Variants in RTTN observed in about 807,000 individuals in gnomAD.
RTTN encodes the protein rotatin.
Under a neutral mutation model 269.2 loss-of-function variants are expected in RTTN, and 182 were observed. The observed-to-expected ratio is 0.68, with a 90% CI of 0.60 to 0.76. The LOEUF is 0.76. RTTN is among the 30% of genes least tolerant of loss of function. RTTN has a pLI of 0.00. For synonymous variants in RTTN, 1,006 were observed against 963.5 expected (o/e 1.04, Z -0.82); for missense variants, 2,545 against 2,608.6 (o/e 0.98, Z 0.53).
intron 4 of RTTN, among the ~76,000 whole-genome samples, chr18:70,200,856 A>G (rs1211242697): frequency 6.6e-6 from 1 of 152,240 alleles, no homozygotes; most frequent in Admixed American, 6.5e-5. Flanking sequence ...AATAATACCA[A>G]TCTCAAAGAC....
At chr18:70,137,684 T>C (rs949053940) in intron 21 of RTTN, among the ~76,000 whole-genome samples, 1 of 152,106 alleles carries the variant, frequency 6.6e-6, no homozygotes, top group Non-Finnish European at 1.5e-5. Context: ...CTATTTGAAC[T>C]CCTACTCATT....
chr18:70,041,640 C>T (rs34186601), intron 40 of RTTN, among the ~76,000 whole-genome samples: 1 of 152,192 alleles, frequency 6.6e-6, no homozygotes, highest in Non-Finnish European at 1.5e-5. Context: ...TTCTATGTAA[C>T]TAAGCCACTC....
intron 32 of RTTN, among the ~76,000 whole-genome samples, chr18:70,076,716 C>T (rs2058437994): frequency 6.6e-6 from 1 of 151,944 alleles, no homozygotes; most frequent in South Asian, 2.1e-4. Context: ...CTGTAATGAA[C>T]AGCCAGCACA....
In RTTN at chr18:70,184,716, T is replaced by TTGTGTGTGTG. The variant is rs1555776912; in HGVS notation, c.1305+3382_1305+3391dup. On this transcript the variant is annotated intron_variant, in intron 10 of 48. Coordinates refer to ENST00000640769, the MANE Select transcript of RTTN (RefSeq NM_173630.4). ...AAACCACAGCAGGTTTTTTTTTTTT[T>TTGTGTGTGTG]TGTGTGTGTGTGTGTGTGTGTGTGT... Among the ~76,000 whole-genome samples, 215 of 33,308 alleles carry TTGTGTGTGTG rather than the reference T, an allele frequency of 6.5e-3. 7 individuals are homozygous for TTGTGTGTGTG. Among genetic ancestry groups the TTGTGTGTGTG allele is most frequent in the African/African-American group, 0.012 (180 of 15,624 alleles). 21.9% of individuals were successfully genotyped at this position (33,308 alleles called of 152,430 possible).
Position 70,082,816 on chromosome 18 carries a change from G to C in RTTN, c.4374+3797C>G, listed in dbSNP as rs374936473. On this transcript the variant is annotated intron_variant, in intron 32 of 48. Transcript: ENST00000640769. ...AGCAATCCTCCTGCCTCAGTCTCCT[G>C]AGTAGCTAGGGACTACAGGTGCATG... Among the ~76,000 whole-genome samples the C allele has an allele frequency of 2.6e-5, 4 of 151,926 alleles. No homozygotes were observed. In the East Asian group the frequency reaches 7.8e-4, roughly 29 times the overall value.
At chr18:70,074,740 T>G (rs1333724647) in intron 33 of RTTN, 1 of 151,552 alleles carries the variant, frequency 6.6e-6, no homozygotes, top group Non-Finnish European at 1.5e-5. Context: ...TAAATTACTA[T>G]TTATTACAAG....
At position 70,127,497 on chromosome 18, in the gene RTTN, C is replaced by T. The variant is rs2059894718; in HGVS notation, c.3383+5G>A. On this transcript the variant is annotated splice_donor_5th_base_variant and intron_variant, in intron 25 of 48. Coordinates refer to ENST00000640769, the MANE Select transcript of RTTN (RefSeq NM_173630.4). The stretch of plus-strand genomic sequence containing the variant: ...TGAAACTGGCAGCCTTGACCTTACA[C>T]TGACCTGTTTAGTGCGGTGTGCCAA... 3 of 1,612,876 alleles carry T rather than the reference C, an allele frequency of 1.9e-6. No individual in the cohort carries two copies. Among genetic ancestry groups the T allele is most frequent in the South Asian group, 2.2e-5 (2 of 91,016 alleles).
chr18:70,029,745 A>G (rs1297486943), intron 42 of RTTN, among the ~76,000 whole-genome samples: 2 of 152,200 alleles, frequency 1.3e-5, no homozygotes, highest in East Asian at 3.8e-4. Flanking sequence ...TAAAAAATTT[A>G]TCTGGCATAG....
At chr18:70,024,153 C>A (rs1047827551) in intron 44 of RTTN, among the ~76,000 whole-genome samples, 3 of 152,178 alleles carry the variant, frequency 2.0e-5, no homozygotes, top group African/African-American at 7.2e-5. Flanking sequence ...TCCTGTTACA[C>A]TCACATAAAA....
At chr18:70,010,788 T>A (rs149578692) in intron 46 of RTTN, among the ~76,000 whole-genome samples, 5 of 152,066 alleles carry the variant, frequency 3.3e-5, no homozygotes, top group African/African-American at 1.2e-4. Flanking sequence ...AAAAAATCAA[T>A]GAATCCCGGA....
chr18:70,184,999 A>G (rs1444353965), intron 10 of RTTN, among the ~76,000 whole-genome samples: 2 of 152,062 alleles, frequency 1.3e-5, no homozygotes, highest in African/African-American at 2.4e-5. Context: ...TATAAGCTAC[A>G]ATAATTAAGT....
At chr18:70,092,878 T>G (rs1258243582) in intron 28 of RTTN, 74 bp from the exon 29 acceptor site, 7 of 1,304,510 alleles carry the variant, frequency 5.4e-6, no homozygotes, top group Non-Finnish European at 7.3e-6. Flanking sequence ...TATAACTGTC[T>G]ACTGACTTGT....
intron 27 of RTTN, 150 bp from the exon 28 acceptor site, chr18:70,109,867 A>G (rs1178854655): frequency 1.9e-5 from 12 of 630,192 alleles, no homozygotes; most frequent in Non-Finnish European, 2.8e-5. Flanking sequence ...TATCAAAATG[A>G]GACTTTTCAA....
chr18:70,136,536 A>G (rs964764640), intron 21 of RTTN, among the ~76,000 whole-genome samples: 2 of 152,024 alleles, frequency 1.3e-5, no homozygotes, highest in African/African-American at 4.8e-5. Flanking sequence ...AAAAGAAAGT[A>G]AATACAACAG....
chr18:70,084,878 A>G (rs2058662663), intron 32 of RTTN, among the ~76,000 whole-genome samples: 1 of 152,232 alleles, frequency 6.6e-6, no homozygotes, highest in South Asian at 2.1e-4. Context: ...GGAGAATAAC[A>G]AAACCAATAA....
chr18:70,066,041 G>C, intron 34 of RTTN, 119 bp from the exon 35 acceptor site: 5 of 522,896 alleles, frequency 9.6e-6, no homozygotes, highest in Non-Finnish European at 1.3e-5. Context: ...TACTAGTTAG[G>C]ATAACTAGAA....
Position 70,024,861 on chromosome 18 carries a change from G to A in RTTN, c.5824-13C>T. 2 of 1,609,192 alleles carry A rather than the reference G, an allele frequency of 1.2e-6. No individual in the cohort carries two copies. The highest frequency in any genetic ancestry group is 1.7e-6 in the Non-Finnish European group (2 of 1,178,436). On this transcript the variant is annotated splice_polypyrimidine_tract_variant and intron_variant, in intron 43 of 48. Transcript: ENST00000640769. ...CAAGAGCTGCTTCCTGTTGAAGGAA[G>A]GGAAAAAGACAGCATTAGTCTGAAT...
chr18:70,038,206 A>C (rs1270840405), intron 40 of RTTN, among the ~76,000 whole-genome samples: 2 of 152,170 alleles, frequency 1.3e-5, no homozygotes, highest in Admixed American at 1.3e-4. Flanking sequence ...GAAGGGAAGG[A>C]CAGAAACCTG....
intron 46 of RTTN, among the ~76,000 whole-genome samples, chr18:70,016,784 A>AT (rs1343420477): frequency 6.6e-6 from 1 of 151,824 alleles, no homozygotes; most frequent in Non-Finnish European, 1.5e-5. Context: ...CAATCATCAA[A>AT]TATTTATTGA....
Sources: gnomAD v4.1 joint callset for allele counts (sites outside exome capture counted in the v4.1 genomes callset) on GRCh38, gnomAD v4.1.1 for gene constraint, MANE v1.5 for transcripts, NCBI Gene and HGNC (gene_info 2026-07-23, HGNC 2026-07-21) for gene names.